The following CALHM4 variants were observed in gnomAD, a reference collection of about 807,000 sequenced individuals.
CALHM4 encodes calcium homeostasis modulator family member 4, also known as calcium homeostasis modulator protein 4.
In CALHM4, 16 loss-of-function variants were observed where a neutral mutation model predicts 13.3. That is an observed-to-expected ratio of 1.20 (90% CI 0.81 to 1.82). CALHM4 has a LOEUF of 1.82. CALHM4 is among the 40% of genes most tolerant of loss of function. The pLI is 0.00. For synonymous variants in CALHM4, 127 were observed against 137.1 expected (o/e 0.93, Z 0.52); for missense variants, 344 against 374.9 (o/e 0.92, Z 0.68).
intron 1 of CALHM4, among the ~76,000 whole-genome samples, chr6:116,542,610 A>C (rs1232671119): frequency 4.6e-5 from 7 of 152,098 alleles, no homozygotes; most frequent in Non-Finnish European, 1.0e-4. Flanking sequence ...ATTGTTTGGC[A>C]ATCATCTGAT....
chr6:116,558,146 C>T lies in CALHM4; in HGVS notation c.880C>T (p.Leu294Phe). The T allele has an allele frequency of 8.1e-6, 13 of 1,614,076 alleles. No homozygotes were observed. The highest frequency in any genetic ancestry group is 1.0e-5 in the Non-Finnish European group (12 of 1,179,984). Residue 294 changes from leucine (L) to phenylalanine (F), a missense_variant, in exon 2 of 2, where the codon CTT becomes TTT. By Grantham distance (22) the Leu-to-Phe change is conservative (BLOSUM62 0). Coordinates refer to ENST00000368596, the MANE Select transcript of CALHM4 (RefSeq NM_001366078.2). ...GDDLQGHYSF[L>F]GNRVDEDNEE... ...TGACTTGCAAGGTCACTATAGCTTC[C>T]TTGGAAATAGGGTGGATGAGGATAA...
intron 2 of CALHM4, among the ~76,000 whole-genome samples, chr6:116,547,407 C>G (rs1213809291): frequency 6.6e-6 from 1 of 152,174 alleles, no homozygotes; most frequent in Non-Finnish European, 1.5e-5. Flanking sequence ...TTAGAAAAAG[C>G]CGGCTTTTAC....
chr6:116,546,169 G>A (rs117679433), intron 2 of CALHM4, among the ~76,000 whole-genome samples: 1,929 of 152,196 alleles, frequency 0.013, 20 homozygotes, highest in Non-Finnish European at 0.019. Context: ...TGATAGAATG[G>A]GCAATATTTT....
chr6:116,558,313 C>T lies in CALHM4; in HGVS notation c.*102C>T. The T allele has an allele frequency of 8.0e-7, 1 of 1,246,736 alleles. No individual in the cohort carries two copies. 77.2% of individuals were successfully genotyped at this position (1,246,736 alleles called of 1,614,324 possible). On this transcript the variant is annotated 3_prime_UTR_variant, in exon 2 of 2. Transcript: ENST00000368596. ...GTAATCTCTTCATCTTTTTCTTTCT[C>T]TCTGATATTTGTTTACGTAAGTCCA...
upstream of CALHM4, among the ~76,000 whole-genome samples, chr6:116,551,822 C>T (rs923694756): frequency 2.0e-5 from 3 of 152,128 alleles, no homozygotes; most frequent in Non-Finnish European, 4.4e-5. Context: ...TTTCACATTC[C>T]CACCATCAGT....
In CALHM4 at chr6:116,553,954, C is replaced by T. The variant is rs1216131784; in HGVS notation, c.161C>T (p.Ala54Val). 1.3e-6 allele frequency: 2 copies of T among 1,550,494 alleles called. No homozygotes were observed. Among genetic ancestry groups the T allele is most frequent in the Non-Finnish European group, 1.7e-6 (2 of 1,146,934 alleles). ...GGAAAAAATTTCTATTATGGTTCTG[C>T]TTTTCTTGTCATTCCTGCCTTGATC... ...QVGKNFYYGS[A>V]FLVIPALILL... The change falls in exon 1 of 2, where the codon GCT becomes GTT. Residue 54 changes from alanine (A) to valine (V), a missense_variant. Physicochemically the swap from Ala to Val is moderately conservative, Grantham distance 64 (BLOSUM62 0). Coordinates refer to ENST00000368596, the MANE Select transcript of CALHM4 (RefSeq NM_001366078.2).
chr6:116,531,259 TAGAG>T (rs1772705403), intron 1 of CALHM4, among the ~76,000 whole-genome samples: 1 of 151,616 alleles, frequency 6.6e-6, no homozygotes, highest in Non-Finnish European at 1.5e-5. Flanking sequence ...ATGAAACACA[TAGAG>T]AAAGTCACAG....
chr6:116,540,444 C>T (rs373118322), intron 1 of CALHM4: 2 of 1,551,268 alleles, frequency 1.3e-6, no homozygotes, highest in African/African-American at 1.4e-5. Flanking sequence ...CCACAAGCCG[C>T]GTTCCAATGC....
intron 1 of CALHM4, among the ~76,000 whole-genome samples, chr6:116,556,734 A>G (rs1774332979): frequency 6.6e-6 from 1 of 152,214 alleles, no homozygotes; most frequent in Non-Finnish European, 1.5e-5. Context: ...AAAGGATTCT[A>G]AGAATAGAAA....
Position 116,540,415 on chromosome 6 carries a change from G to A in CALHM4, c.-108-3350G>A, listed in dbSNP as rs762233471. On this transcript the variant is annotated intron_variant, in intron 1 of 2. Coordinates refer to the CALHM4 transcript ENST00000368597. ...ATAACTATGGCATCTTCCCACGCAGGATCGAGCCAAAAAGTCTTCCACAAG... is the reference window on the plus strand; with the variant it reads ...ATAACTATGGCATCTTCCCACGCAGAATCGAGCCAAAAAGTCTTCCACAAG... 3.2e-6 allele frequency: 5 copies of A among 1,551,170 alleles called. No individual in the cohort carries two copies. The South Asian group carries it at 4.8e-5, about 15-fold the overall frequency.
chr6:116,556,442 T>C (rs745898438), intron 1 of CALHM4, among the ~76,000 whole-genome samples: 3 of 152,206 alleles, frequency 2.0e-5, no homozygotes, highest in Non-Finnish European at 4.4e-5. Context: ...TGTTTATAGG[T>C]TAATGGGCAT....
At chr6:116,543,456 T>TCATA in intron 1 of CALHM4, 3 of 1,356,878 alleles carry the variant, frequency 2.2e-6, no homozygotes, top group Non-Finnish European at 3.0e-6. Flanking sequence ...TATACTACTG[T>TCATA]ATTTCTTTTG....
At chr6:116,552,682 T>C (rs2115283452), upstream of CALHM4, among the ~76,000 whole-genome samples, 1 of 152,332 alleles carries the variant, frequency 6.6e-6, no homozygotes, top group East Asian at 1.9e-4. Context: ...CAAGCCTAGT[T>C]CAGTGCCCTT....
At chr6:116,541,523 G>A (rs1410069204) in intron 1 of CALHM4, among the ~76,000 whole-genome samples, 4 of 152,234 alleles carry the variant, frequency 2.6e-5, no homozygotes, top group East Asian at 3.9e-4. Context: ...GGAGGGAGAC[G>A]GATTTGATGT....
Position 116,557,807 on chromosome 6 carries a change from T to G in CALHM4, c.559-18T>G. On this transcript the variant is annotated intron_variant, in intron 1 of 1. Transcript: ENST00000368596. ...TGCATTGATACTTCCTGTTTTTCTT[T>G]TTAATAATGATGTGAAGATGCTGGG... 1.9e-6 allele frequency: 3 copies of G among 1,599,792 alleles called. No individual in the cohort carries two copies. Among genetic ancestry groups the G allele is most frequent in the Non-Finnish European group, 2.6e-6 (3 of 1,170,686 alleles).
chr6:116,538,435 A>G (rs1430031065), intron 1 of CALHM4, among the ~76,000 whole-genome samples: 3 of 152,194 alleles, frequency 2.0e-5, no homozygotes, highest in African/African-American at 7.2e-5. Flanking sequence ...TTTTCAACAG[A>G]TATTTTTTGT....
At chr6:116,540,599 C>CT in intron 1 of CALHM4, 1 of 826,702 alleles carries the variant, frequency 1.2e-6, no homozygotes, top group Non-Finnish European at 1.9e-6. Flanking sequence ...AGTCAAATGG[C>CT]TTTTGGCTGT....
At chr6:116,550,057 T>C (rs1774005846), upstream of CALHM4, among the ~76,000 whole-genome samples, 2 of 146,814 alleles carry the variant, frequency 1.4e-5, no homozygotes, top group Non-Finnish European at 3.0e-5. Flanking sequence ...CATCCATAAT[T>C]ATAAAAATTT....
At chr6:116,556,205 T>C (rs1774309015) in intron 1 of CALHM4, among the ~76,000 whole-genome samples, 1 of 152,230 alleles carries the variant, frequency 6.6e-6, no homozygotes, top group African/African-American at 2.4e-5. Flanking sequence ...GATAATCCTT[T>C]CCCTTAAGTG....
Sources: gnomAD v4.1 joint callset for allele counts (sites outside exome capture counted in the v4.1 genomes callset) on GRCh38, gnomAD v4.1.1 for gene constraint, MANE v1.5 for transcripts, NCBI Gene and HGNC (gene_info 2026-07-23, HGNC 2026-07-21) for gene names.